The following CDC5L variants were observed in gnomAD, a reference collection of about 807,000 sequenced individuals.
CDC5L encodes cell division cycle 5 like.
A neutral mutation model predicts 104.1 loss-of-function variants in CDC5L; 18 were observed. That is an observed-to-expected ratio of 0.17 (90% CI 0.12 to 0.26). The LOEUF (loss-of-function observed/expected upper bound fraction) is 0.26. CDC5L is among the 10% of genes least tolerant of loss of function. The pLI, the probability that CDC5L is intolerant of heterozygous loss-of-function variation, is 1.00. For missense variants in CDC5L, 673 were observed against 956.9 expected, an observed-to-expected ratio of 0.70 and a Z score of 3.91; for synonymous variants, 331 against 322.7, an observed-to-expected ratio of 1.03 and a Z score of -0.28.
Position 44,445,093 on chromosome 6 carries a change from G to A in CDC5L, c.2092-562G>A, listed in dbSNP as rs1005410308. On this transcript the variant is annotated intron_variant, in intron 14 of 15. Transcript: ENST00000371477. ...TGCTTCTCTGCACTGCCCCCAAAGG[G>A]TGCAGTCCCTGAAAGTACTTGCATG... is the stretch of plus-strand genomic sequence containing the variant. Among the ~76,000 whole-genome samples, 7 of 152,150 alleles carry A rather than the reference G, an allele frequency of 4.6e-5. No individual in the cohort carries two copies. In the South Asian group the frequency reaches 1.2e-3, roughly 27 times the overall value.
chr6:44,417,344 G>C (rs12527984), intron 8 of CDC5L, among the ~76,000 whole-genome samples: 8,396 of 152,210 alleles, frequency 0.055, 466 homozygotes, highest in Admixed American at 0.18. Flanking sequence ...CAGAACAGTT[G>C]AACTTCTCAC....
chr6:44,411,005 A>AT (rs951748321), intron 8 of CDC5L, among the ~76,000 whole-genome samples: 203 of 139,836 alleles, frequency 1.5e-3, no homozygotes, highest in South Asian at 2.7e-3. Context: ...TTTGTTCAGT[A>AT]TTTTTTTTTT....
intron 4 of CDC5L, among the ~76,000 whole-genome samples, chr6:44,395,466 C>G (rs1406253647): frequency 1.3e-5 from 2 of 152,246 alleles, no homozygotes; most frequent in Non-Finnish European, 2.9e-5. Flanking sequence ...TAAAATCTCT[C>G]TGAGCTTTGA....
In CDC5L at chr6:44,388,391, G is replaced by A. The variant is rs572128096; in HGVS notation, c.45+523G>A. On this transcript the variant is annotated intron_variant, in intron 1 of 15. Coordinates refer to ENST00000371477, the MANE Select transcript of CDC5L (RefSeq NM_001253.4). ...CATCTCTCTGGTTATCTGTTATCAG[G>A]GCATAACCTGTCTGCCATCTCGACA... Among the ~76,000 whole-genome samples, 419 of 152,106 alleles carry A rather than the reference G, an allele frequency of 2.8e-3. 7 individuals carry two copies. The highest frequency in any genetic ancestry group is 3.7e-3 in the Non-Finnish European group (252 of 67,980).
At chr6:44,408,364 A>G in intron 7 of CDC5L, 80 bp from the exon 8 acceptor site, 1 of 1,109,980 alleles carries the variant, frequency 9.0e-7, no homozygotes, top group Non-Finnish European at 1.3e-6. Flanking sequence ...GGCCTCCCAG[A>G]GTGTTGGGAT....
At chr6:44,390,419 G>A (rs372064728) in intron 2 of CDC5L, 48 bp downstream of exon 2, 1 of 1,169,946 alleles carries the variant, frequency 8.5e-7, no homozygotes, top group Non-Finnish European at 1.3e-6. Context: ...GCTTAATTAT[G>A]ATGATGGAAA....
chr6:44,414,220 C>T lies in CDC5L; in HGVS notation c.1093-5229C>T, dbSNP rs147679209. Reference sequence around the variant, plus strand: ...ACAGCCTCTCAAGTTGCTGGGACTACAGGTGTGCACCACTGTGCCTGGCTA... The same window carrying T: ...ACAGCCTCTCAAGTTGCTGGGACTATAGGTGTGCACCACTGTGCCTGGCTA... On this transcript the variant is annotated intron_variant, in intron 8 of 15. Transcript: ENST00000371477. Among the ~76,000 whole-genome samples the T allele has an allele frequency of 7.9e-3, 1,210 of 152,232 alleles. 21 individuals carry two copies. Among genetic ancestry groups the T allele is most frequent in the African/African-American group, 0.028 (1,156 of 41,536 alleles).
chr6:44,391,358 T>G (rs1442970043), intron 2 of CDC5L, among the ~76,000 whole-genome samples: 1 of 151,932 alleles, frequency 6.6e-6, no homozygotes, highest in Non-Finnish European at 1.5e-5. Context: ...ACGCCATTCT[T>G]CTGCCATAGC....
At chr6:44,407,398 C>T (rs1237884268) in intron 7 of CDC5L, among the ~76,000 whole-genome samples, 1 of 151,326 alleles carries the variant, frequency 6.6e-6, no homozygotes, top group African/African-American at 2.4e-5. Flanking sequence ...GCCATCTAGG[C>T]TCACTGCAAC....
At chr6:44,436,045 T>C (rs1305394459) in intron 14 of CDC5L, among the ~76,000 whole-genome samples, 1 of 152,156 alleles carries the variant, frequency 6.6e-6, no homozygotes, top group East Asian at 1.9e-4. Context: ...CCCAAAGTGC[T>C]GGGATTACAG....
chr6:44,398,241 A>G (rs996378930), intron 5 of CDC5L, among the ~76,000 whole-genome samples: 1 of 152,108 alleles, frequency 6.6e-6, no homozygotes, highest in Non-Finnish European at 1.5e-5. Flanking sequence ...CCACCTCTCT[A>G]TTCTGTATAC....
intron 11 of CDC5L, among the ~76,000 whole-genome samples, chr6:44,424,921 C>A (rs1410322506): frequency 2.0e-5 from 3 of 152,102 alleles, no homozygotes; most frequent in South Asian, 4.1e-4. Context: ...AAAACAAATA[C>A]ATCTTGGTTC....
At chr6:44,403,116 C>G (rs1340447330) in intron 5 of CDC5L, among the ~76,000 whole-genome samples, 1 of 152,122 alleles carries the variant, frequency 6.6e-6, no homozygotes, top group African/African-American at 2.4e-5. Context: ...TATACTTTTT[C>G]ATTACCAGTG....
intron 13 of CDC5L, 100 bp downstream of exon 13, chr6:44,426,824 A>G: frequency 8.6e-7 from 1 of 1,165,524 alleles, no homozygotes; most frequent in Non-Finnish European, 1.2e-6. Context: ...GTTGGTATTC[A>G]TAAACAACTG....
intron 8 of CDC5L, among the ~76,000 whole-genome samples, chr6:44,417,396 C>T (rs1791956841): frequency 6.6e-6 from 1 of 151,990 alleles, no homozygotes; most frequent in Admixed American, 6.6e-5. Flanking sequence ...TGGGAAGCTG[C>T]GTTATTTTTT....
chr6:44,387,982 C>T (rs933102997), intron 1 of CDC5L, 114 bp downstream of exon 1: 4 of 962,238 alleles, frequency 4.2e-6, no homozygotes, highest in Non-Finnish European at 6.3e-6. Flanking sequence ...GCGTGGAGGG[C>T]AGCCCGGGGG....
chr6:44,440,494 T>TC (rs1793134014), intron 14 of CDC5L, among the ~76,000 whole-genome samples: 1 of 152,058 alleles, frequency 6.6e-6, no homozygotes, highest in African/African-American at 2.4e-5. Context: ...CTGCCCACCG[T>TC]GGCCTTCCAA....
intron 5 of CDC5L, among the ~76,000 whole-genome samples, chr6:44,401,166 G>A (rs935172852): frequency 1.3e-5 from 2 of 151,966 alleles, no homozygotes; most frequent in Non-Finnish European, 2.9e-5. Context: ...GGAGAGATGT[G>A]GATCTCTCAG....
intron 9 of CDC5L, among the ~76,000 whole-genome samples, chr6:44,420,544 G>A (rs1444240522): frequency 6.6e-6 from 1 of 151,938 alleles, no homozygotes; most frequent in African/African-American, 2.4e-5. Flanking sequence ...TTTTAGTAGA[G>A]ACAGGGTTTC....
Sources: gnomAD v4.1 joint callset for allele counts (sites outside exome capture counted in the v4.1 genomes callset) on GRCh38, gnomAD v4.1.1 for gene constraint, MANE v1.5 for transcripts, NCBI Gene and HGNC (gene_info 2026-07-23, HGNC 2026-07-21) for gene names.